NEK2: variants seen among roughly 807,000 people sequenced by gnomAD.
NEK2 encodes serine/threonine-protein kinase Nek2.
In NEK2, 28 loss-of-function variants were observed where a neutral mutation model predicts 54.1. That is an observed-to-expected ratio of 0.52 (90% CI 0.38 to 0.71). NEK2 has a LOEUF of 0.71. Among genes scored for constraint, NEK2 ranks in the 30% least tolerant of loss-of-function variants. The pLI is 0.00. For synonymous variants in NEK2, 176 were observed against 193.1 expected (o/e 0.91, Z 0.73); for missense variants, 407 against 531.5 (o/e 0.77, Z 2.30).
Position 211,675,372 on chromosome 1 carries a change from T to TC in NEK2, c.96+11dup. 1 of 1,612,106 alleles carries TC rather than the reference T, an allele frequency of 6.2e-7. No homozygotes were observed. Among genetic ancestry groups the TC allele is most frequent in the Non-Finnish European group, 8.5e-7 (1 of 1,178,296 alleles). ...TAAGCAGGGGCAGGCGCAGGGTAGG[T>TC]CCCACGCTCACCTTGCCATCACTCT... On this transcript the variant is annotated intron_variant, in intron 1 of 7. Transcript: ENST00000366999.
Position 211,670,374 on chromosome 1 carries a change from G to C in NEK2, c.672C>G (p.Leu224=). The change falls in exon 5 of 8, where the codon CTC becomes CTG. Residue 224 remains leucine, a synonymous_variant. Coordinates refer to ENST00000366999, the MANE Select transcript of NEK2 (RefSeq NM_002497.4). ...PPFTAFSQKE[L]AGKIREGKFR... The stretch of plus-strand genomic sequence containing the variant: ...ATTTGCCTTCTCTGATTTTCCCAGC[G>C]AGTTCTTTCTGGCTAAAAGCTGTAA... 1.2e-6 allele frequency: 2 copies of C among 1,613,500 alleles called. No homozygotes were observed. The highest frequency in any genetic ancestry group is 1.7e-6 in the Non-Finnish European group (2 of 1,179,614).
At chr1:211,666,803 A>G (rs1224281703) in intron 7 of NEK2, 1 of 821,642 alleles carries the variant, frequency 1.2e-6, no homozygotes, top group African/African-American at 1.8e-5. Context: ...CATCTCAAAA[A>G]AAATAAAAAA....
chr1:211,665,847 C>T (rs1224703091), intron 7 of NEK2, among the ~76,000 whole-genome samples: 3 of 152,032 alleles, frequency 2.0e-5, no homozygotes, highest in African/African-American at 7.2e-5. Flanking sequence ...TTTGTCTGTT[C>T]CATTTACAAA....
At chr1:211,661,788 C>A (rs547231398), downstream of NEK2, among the ~76,000 whole-genome samples, 2,577 of 152,280 alleles carry the variant, frequency 0.017, 78 homozygotes, top group African/African-American at 0.057. Flanking sequence ...GTCTTTGGTT[C>A]ACAAGGTCGT....
Position 211,663,239 on chromosome 1 carries a change from A to T in NEK2, c.*187T>A, listed in dbSNP as rs538147202. 6.9e-5 allele frequency: 93 copies of T among 1,353,248 alleles called. No individual in the cohort carries two copies. In the African/African-American group the frequency reaches 1.0e-3, roughly 15 times the overall value. 83.8% of individuals were successfully genotyped at this position (1,353,248 alleles called of 1,614,324 possible). On this transcript the variant is annotated 3_prime_UTR_variant, in exon 8 of 8. Coordinates refer to ENST00000366999, the MANE Select transcript of NEK2 (RefSeq NM_002497.4). ...ATATGTTCTTAAAAGAAGAAAGAAA[A>T]ATTAAATGTGAACATTTTGTACAAT...
chr1:211,663,560 T>A lies in NEK2; in HGVS notation c.1204A>T (p.Ser402Cys). The change falls in exon 8 of 8, where the codon AGT (serine) becomes TGT (cysteine). Residue 402 changes from serine to cysteine, a missense_variant. Physicochemically the swap from Ser to Cys is moderately radical, Grantham distance 112. Coordinates refer to ENST00000366999, the MANE Select transcript of NEK2 (RefSeq NM_002497.4). ...CACTTGGACTTAGATGTGAGCTGACTCTCAGAATTCTCACTCCTCATGATG... is the reference window on the plus strand; with the variant it reads ...CACTTGGACTTAGATGTGAGCTGACACTCAGAATTCTCACTCCTCATGATG... ...ENIMRSENSE[S>C]QLTSKSKCKD... The A allele has an allele frequency of 3.1e-6, 5 of 1,613,906 alleles. No homozygotes were observed. The highest frequency in any genetic ancestry group is 4.2e-6 in the Non-Finnish European group (5 of 1,179,878).
At chr1:211,659,635 C>T (rs1654966452), downstream of NEK2, among the ~76,000 whole-genome samples, 1 of 152,156 alleles carries the variant, frequency 6.6e-6, no homozygotes, top group Admixed American at 6.5e-5. Flanking sequence ...CTTATCCTAC[C>T]ATGTACATAT....
At chr1:211,666,006 A>T (rs1312242347) in intron 7 of NEK2, among the ~76,000 whole-genome samples, 1 of 152,242 alleles carries the variant, frequency 6.6e-6, no homozygotes, top group Non-Finnish European at 1.5e-5. Context: ...GATTTTTGAA[A>T]CCAACAACTT....
At chr1:211,658,624 G>C (rs1336729557), downstream of NEK2, 2 of 443,332 alleles carry the variant, frequency 4.5e-6, no homozygotes, top group Non-Finnish European at 9.0e-6. Context: ...GGAGGCTGAA[G>C]TGGGAGGATT....
intron 6 of NEK2, among the ~76,000 whole-genome samples, chr1:211,667,928 C>A (rs987517504): frequency 1.3e-5 from 2 of 152,008 alleles, no homozygotes; most frequent in African/African-American, 4.8e-5. Flanking sequence ...CGCCTGTAAT[C>A]CCAGCTACTC....
At position 211,663,183 on chromosome 1, in the gene NEK2, A is replaced by G; in HGVS notation, c.*243T>C. ...CTACTAGTAATCACACACAGGATTA[A>G]AAGCCCAACCAAGAAAGTATTCTTT... On this transcript the variant is annotated 3_prime_UTR_variant, in exon 8 of 8. Coordinates refer to ENST00000366999, the MANE Select transcript of NEK2 (RefSeq NM_002497.4). The G allele has an allele frequency of 7.8e-7, 1 of 1,282,228 alleles. No individual in the cohort carries two copies. The highest frequency in any genetic ancestry group is 9.9e-7 in the Non-Finnish European group (1 of 1,013,566). The allele number at this position is 1,282,228 out of a possible 1,614,324, so 79.4% of individuals were successfully genotyped here.
chr1:211,660,243 C>A (rs192033925), downstream of NEK2: 134 of 353,684 alleles, frequency 3.8e-4, no homozygotes, highest in Admixed American at 4.8e-4. Flanking sequence ...TGGCTGGGAG[C>A]AGGGGCATTG....
intron 6 of NEK2, 72 bp downstream of exon 6, chr1:211,669,039 CAA>C: frequency 7.6e-7 from 1 of 1,311,398 alleles, no homozygotes; most frequent in Non-Finnish European, 1.1e-6. Flanking sequence ...ATATTCTGCT[CAA>C]AGAGATATTC....
chr1:211,666,853 A>G (rs1006544932), intron 7 of NEK2: 2 of 1,181,452 alleles, frequency 1.7e-6, no homozygotes, highest in African/African-American at 1.6e-5. Flanking sequence ...ATTACTAAAC[A>G]TGTAGTTTGA....
chr1:211,663,815 G>T (rs186739869), intron 7 of NEK2, among the ~76,000 whole-genome samples, 163 bp from the exon 8 acceptor site: 1 of 152,272 alleles, frequency 6.6e-6, no homozygotes, highest in Admixed American at 6.5e-5. Flanking sequence ...AGGACTTGCA[G>T]AAATCAGCCT....
Position 211,669,168 on chromosome 1 carries a change from T to A in NEK2, c.930A>T (p.Glu310Asp), listed in dbSNP as rs375540677. 6.2e-7 allele frequency: 1 copy of A among 1,613,840 alleles called. No homozygotes were observed. The highest frequency in any genetic ancestry group is 8.5e-7 in the Non-Finnish European group (1 of 1,179,870). ...CTCGCTCTCGCTCCTGTAACTGAAT[T>A]TCCTTCAGTTTCAGCTCACTCAATA... ...SPVLSELKLK[E>D]IQLQERERAL... The change falls in exon 6 of 8, where the codon GAA (glutamate) becomes GAT (aspartate). Residue 310 changes from glutamate (E) to aspartate (D), a missense_variant. Physicochemically the swap from Glu to Asp is conservative, Grantham distance 45. Transcript: ENST00000366999.
downstream of NEK2, chr1:211,660,697 G>A (rs1822568): frequency 1.5e-6 from 1 of 668,402 alleles, no homozygotes; most frequent in Non-Finnish European, 2.8e-6. Flanking sequence ...TTGAATCTGC[G>A]AAGATCCACA....
downstream of NEK2, chr1:211,660,346 A>G: frequency 3.7e-6 from 2 of 541,780 alleles, no homozygotes; most frequent in South Asian, 3.3e-5. Context: ...CTCCTCATAT[A>G]GTGCCTTCTC....
intron 3 of NEK2, among the ~76,000 whole-genome samples, chr1:211,672,657 C>A (rs145621999): frequency 1.4e-5 from 2 of 148,012 alleles, no homozygotes; most frequent in African/African-American, 5.0e-5. Context: ...ACCCAGAGAT[C>A]GAAATTCACT....
Sources: gnomAD v4.1 joint callset for allele counts (sites outside exome capture counted in the v4.1 genomes callset) on GRCh38, gnomAD v4.1.1 for gene constraint, MANE v1.5 for transcripts, NCBI Gene and HGNC (gene_info 2026-07-23, HGNC 2026-07-21) for gene names.